Variants in MTUS2 observed in about 807,000 individuals in gnomAD.
The protein encoded by MTUS2 is microtubule-associated tumor suppressor candidate 2.
A neutral mutation model predicts 114.1 loss-of-function variants in MTUS2; 40 were observed. The observed-to-expected ratio is 0.35, with a 90% CI of 0.27 to 0.46. The LOEUF is 0.46. Among genes scored for constraint, MTUS2 ranks in the 20% least tolerant of loss-of-function variants. The probability of loss-of-function intolerance (pLI) is 1.00; values close to 1 mark genes in which losing one functional copy is unlikely to be tolerated. For synonymous variants in MTUS2, 688 were observed against 672.0 expected (o/e 1.02, Z -0.37); for missense variants, 1,679 against 1,705.4 (o/e 0.98, Z 0.27).
At chr13:28,941,672 G>C (rs189281057) in intron 2 of MTUS2, among the ~76,000 whole-genome samples, 59 of 152,244 alleles carry the variant, frequency 3.9e-4, no homozygotes, top group African/African-American at 1.4e-3. Context: ...TGTATAGTTA[G>C]AAAAGGAGGA....
chr13:29,067,103 G>A (rs1339901958), intron 4 of MTUS2, among the ~76,000 whole-genome samples: 1 of 152,144 alleles, frequency 6.6e-6, no homozygotes, highest in Non-Finnish European at 1.5e-5. Context: ...AGAGTTTGAG[G>A]TTCCTAAGGG....
At chr13:29,234,908 TTTTA>T (rs1896475107) in intron 5 of MTUS2, among the ~76,000 whole-genome samples, 1 of 152,138 alleles carries the variant, frequency 6.6e-6, no homozygotes, top group Non-Finnish European at 1.5e-5. Flanking sequence ...ATATACAAGT[TTTTA>T]TTTATTTGTA....
chr13:28,918,129 G>A (rs910389270), intron 2 of MTUS2, among the ~76,000 whole-genome samples: 2 of 151,884 alleles, frequency 1.3e-5, no homozygotes, highest in African/African-American at 2.4e-5. Flanking sequence ...CATATGTTTA[G>A]GAAAAGAATA....
chr13:29,025,659 G>A lies in MTUS2; in HGVS notation c.961G>A (p.Glu321Lys). Residue 321 changes from glutamate (E) to lysine (K), a missense_variant, in exon 3 of 16, where the codon GAA (glutamate) becomes AAA (lysine). Around this residue, in one of 3 missense-constraint regions of MTUS2, gnomAD observed 843 missense variants for 770.8 expected, o/e 1.09. Transcript: ENST00000612955. ...GAAATATGTTCCTCCCAGGAGAGTTGAACAGGAGGGAAAGGCAGCCCAGGA... is the reference window on the plus strand; with the variant it reads ...GAAATATGTTCCTCCCAGGAGAGTTAAACAGGAGGGAAAGGCAGCCCAGGA... The part of the protein sequence containing the change: ...DLKYVPPRRV[E>K]QEGKAAQEGY... 6.2e-7 allele frequency: 1 copy of A among 1,614,060 alleles called. No homozygotes were observed. Among genetic ancestry groups the A allele is most frequent in the Non-Finnish European group, 8.5e-7 (1 of 1,179,904 alleles).
At chr13:28,826,814 T>G (rs1874299934) in intron 1 of MTUS2, among the ~76,000 whole-genome samples, 1 of 152,182 alleles carries the variant, frequency 6.6e-6, no homozygotes, top group South Asian at 2.1e-4. Context: ...TAAATGATAA[T>G]AAAACAGCAG....
intron 4 of MTUS2, among the ~76,000 whole-genome samples, chr13:29,095,834 T>G (rs564965168): frequency 6.6e-6 from 1 of 152,234 alleles, no homozygotes; most frequent in East Asian, 1.9e-4. Flanking sequence ...ATAATTTCTC[T>G]CTTTATTGTT....
chr13:28,953,884 T>A (rs1372622019), intron 2 of MTUS2, among the ~76,000 whole-genome samples: 1 of 152,216 alleles, frequency 6.6e-6, no homozygotes, highest in Non-Finnish European at 1.5e-5. Context: ...TCAGCACCAT[T>A]TATTTGAGTC....
intron 6 of MTUS2, among the ~76,000 whole-genome samples, chr13:29,321,752 T>A (rs1466047376): frequency 6.6e-6 from 1 of 152,232 alleles, no homozygotes; most frequent in Non-Finnish European, 1.5e-5. Context: ...AAATAAAAAG[T>A]AAAAGCTCCT....
chr13:28,954,147 G>A (rs1208010512), intron 2 of MTUS2, among the ~76,000 whole-genome samples: 3 of 152,218 alleles, frequency 2.0e-5, no homozygotes, highest in African/African-American at 7.2e-5. Flanking sequence ...AGAATTTGCA[G>A]AGTGTGTTCA....
chr13:29,081,023 C>T (rs1480128373), intron 4 of MTUS2, among the ~76,000 whole-genome samples: 1 of 152,138 alleles, frequency 6.6e-6, no homozygotes, highest in Non-Finnish European at 1.5e-5. Flanking sequence ...ACGCGCCTGG[C>T]CCCAGATGTT....
intron 4 of MTUS2, among the ~76,000 whole-genome samples, chr13:29,059,228 A>ATTTTTTTT (rs35369352): frequency 9.3e-5 from 9 of 97,124 alleles, no homozygotes; most frequent in Admixed American, 2.5e-4. Context: ...TATTCTTTGG[A>ATTTTTTTT]TTTTTTTTTT....
At position 29,248,303 on chromosome 13, in the gene MTUS2, C is replaced by G. The variant is rs568533487; in HGVS notation, c.2645-33401C>G. On this transcript the variant is annotated intron_variant, in intron 5 of 15. Coordinates refer to ENST00000612955, the MANE Select transcript of MTUS2 (RefSeq NM_001033602.4). The stretch of plus-strand genomic sequence containing the variant: ...TGCACATTGCATGTAGTGTACATTC[C>G]TTAGCTGATGGGTGCACCACAGTCT... Among the ~76,000 whole-genome samples, 386 of 152,190 alleles carry G rather than the reference C, an allele frequency of 2.5e-3. 1 individual carries two copies. Among genetic ancestry groups the G allele is most frequent in the Non-Finnish European group, 4.0e-3 (272 of 67,988 alleles).
At chr13:29,094,356 A>C (rs933910490) in intron 4 of MTUS2, among the ~76,000 whole-genome samples, 2 of 144,084 alleles carry the variant, frequency 1.4e-5, no homozygotes, top group African/African-American at 2.6e-5. Context: ...TTTTTTTTTT[A>C]TTTCTAATTC....
At chr13:29,197,354 A>G (rs184130924) in intron 5 of MTUS2, among the ~76,000 whole-genome samples, 142 of 152,116 alleles carry the variant, frequency 9.3e-4, no homozygotes, top group Admixed American at 3.9e-3. Flanking sequence ...GTTTGCTGAG[A>G]ATGATGGTTT....
At chr13:28,920,513 C>T (rs1880982959) in intron 2 of MTUS2, among the ~76,000 whole-genome samples, 1 of 152,152 alleles carries the variant, frequency 6.6e-6, no homozygotes, top group Admixed American at 6.5e-5. Flanking sequence ...CTGAAGCTGG[C>T]ACAACACTGG....
At chr13:29,309,342 A>G (rs1230822845) in intron 6 of MTUS2, among the ~76,000 whole-genome samples, 1 of 152,074 alleles carries the variant, frequency 6.6e-6, no homozygotes, top group South Asian at 2.1e-4. Context: ...AGAAAACCAA[A>G]CACCACATGT....
At chr13:29,059,228 A>ATTTTTTTTTTTTTTTTTTTTTTTTTTTT (rs35369352) in intron 4 of MTUS2, among the ~76,000 whole-genome samples, 3 of 97,128 alleles carry the variant, frequency 3.1e-5, no homozygotes, top group Non-Finnish European at 5.8e-5. Context: ...TATTCTTTGG[A>ATTTTTTTTTTTTTTTTTTTTTTTTTTTT]TTTTTTTTTT....
intron 1 of MTUS2, among the ~76,000 whole-genome samples, chr13:28,834,895 A>G (rs1276146692): frequency 2.0e-5 from 3 of 152,234 alleles, no homozygotes; most frequent in Non-Finnish European, 2.9e-5. Flanking sequence ...ACATTTTTCC[A>G]AAGAAGATAT....
At chr13:29,036,153 A>G (rs994411714) in intron 4 of MTUS2, among the ~76,000 whole-genome samples, 2 of 133,178 alleles carry the variant, frequency 1.5e-5, no homozygotes, top group Non-Finnish European at 3.2e-5. Context: ...AAAAAAAAAA[A>G]AAAGAAAGAA....
Sources: gnomAD v4.1 joint callset for allele counts (sites outside exome capture counted in the v4.1 genomes callset) on GRCh38, gnomAD v4.1.1 for gene constraint, gnomAD v4.1.1 regional missense constraint, MANE v1.5 for transcripts, NCBI Gene and HGNC (gene_info 2026-07-23, HGNC 2026-07-21) for gene names.